LNX1: variants seen among roughly 807,000 people sequenced by gnomAD.
LNX1 encodes the protein ligand of numb-protein X 1.
Under a neutral mutation model 68.4 loss-of-function variants are expected in LNX1, and 54 were observed. The ratio of observed to expected loss-of-function variants is 0.79; its 90% confidence interval spans 0.63 to 0.99. LNX1 has a LOEUF of 0.99. Ranked by LOEUF, LNX1 falls within the 50% of genes least tolerant of loss-of-function variation. LNX1 has a pLI of 0.00. For synonymous variants in LNX1, 336 were observed against 350.0 expected (o/e 0.96, Z 0.45); for missense variants, 906 against 926.4 (o/e 0.98, Z 0.29).
upstream of LNX1, among the ~76,000 whole-genome samples, chr4:53,592,439 C>T (rs1732551987): frequency 6.6e-6 from 1 of 152,150 alleles, no homozygotes. Flanking sequence ...AACTCTCTGG[C>T]ATCTTCCCAG....
chr4:53,534,514 T>C (rs2109631609), intron 2 of LNX1, among the ~76,000 whole-genome samples: 1 of 152,246 alleles, frequency 6.6e-6, no homozygotes, highest in Non-Finnish European at 1.5e-5. Context: ...ATTGAGGACA[T>C]GCTTGTAGGC....
chr4:53,627,832 C>T (rs1318312231), intron 1 of LNX1, among the ~76,000 whole-genome samples: 1 of 152,172 alleles, frequency 6.6e-6, no homozygotes, highest in South Asian at 2.1e-4. Context: ...CAGAAACCCT[C>T]CTCATTAGCC....
At chr4:53,622,746 A>T (rs971180264) in intron 1 of LNX1, among the ~76,000 whole-genome samples, 5 of 152,224 alleles carry the variant, frequency 3.3e-5, no homozygotes, top group Non-Finnish European at 7.3e-5. Context: ...GCTTGTGTTT[A>T]TTGGGAAAAC....
chr4:53,576,748 C>A (rs1349657702), intron 1 of LNX1, among the ~76,000 whole-genome samples: 1 of 152,152 alleles, frequency 6.6e-6, no homozygotes, highest in East Asian at 1.9e-4. Flanking sequence ...TAAAGACACA[C>A]GAATAACCTA....
intron 2 of LNX1, among the ~76,000 whole-genome samples, chr4:53,525,387 C>T (rs925202138): frequency 6.6e-6 from 1 of 152,160 alleles, no homozygotes; most frequent in African/African-American, 2.4e-5. Flanking sequence ...GAGGTTGAGG[C>T]AGGAGAATCG....
chr4:53,487,900 A>G (rs959308274), intron 6 of LNX1, among the ~76,000 whole-genome samples: 3 of 152,150 alleles, frequency 2.0e-5, no homozygotes, highest in African/African-American at 4.8e-5. Flanking sequence ...ATTTTTCAAC[A>G]TATGCTTGTG....
intron 2 of LNX1, among the ~76,000 whole-genome samples, chr4:53,596,977 G>A (rs1732782409): frequency 6.6e-6 from 1 of 152,026 alleles, no homozygotes; most frequent in Non-Finnish European, 1.5e-5. Context: ...TTTCTGGATG[G>A]ACTGTACTGT....
intron 2 of LNX1, among the ~76,000 whole-genome samples, chr4:53,604,227 T>C (rs1164972665): frequency 6.6e-6 from 1 of 152,210 alleles, no homozygotes; most frequent in Non-Finnish European, 1.5e-5. Flanking sequence ...GCTGCCCCAC[T>C]AGAAATATAT....
At chr4:53,649,701 A>T (rs767277296) in intron 1 of LNX1, among the ~76,000 whole-genome samples, 1 of 152,092 alleles carries the variant, frequency 6.6e-6, no homozygotes, top group African/African-American at 2.4e-5. Flanking sequence ...CCCATTTAGG[A>T]TTCCCCTTGG....
chr4:53,527,070 A>AAAC (rs1727669400), intron 2 of LNX1, among the ~76,000 whole-genome samples: 1 of 151,392 alleles, frequency 6.6e-6, no homozygotes, highest in Non-Finnish European at 1.5e-5. Flanking sequence ...AAAAAAAAAA[A>AAAC]AACTAGAAGA....
At chr4:53,581,524 C>T (rs1245707915) in intron 1 of LNX1, among the ~76,000 whole-genome samples, 2 of 152,166 alleles carry the variant, frequency 1.3e-5, no homozygotes, top group Admixed American at 6.5e-5. Flanking sequence ...AATGGACTCA[C>T]AGTTCCATAT....
intron 1 of LNX1, among the ~76,000 whole-genome samples, chr4:53,588,099 C>T (rs1192301492): frequency 6.6e-6 from 1 of 152,168 alleles, no homozygotes; most frequent in Non-Finnish European, 1.5e-5. Context: ...ATAGTTAACA[C>T]TCACTGAACA....
At chr4:53,582,718 T>G (rs976162774) in intron 1 of LNX1, among the ~76,000 whole-genome samples, 6 of 149,850 alleles carry the variant, frequency 4.0e-5, no homozygotes, top group East Asian at 1.9e-4. Flanking sequence ...TGTTTTTTTG[T>G]TTTTTTTTTA....
chr4:53,644,716 AG>A (rs1330722919), intron 1 of LNX1, among the ~76,000 whole-genome samples: 1 of 152,178 alleles, frequency 6.6e-6, no homozygotes. Context: ...CAGCACCAGC[AG>A]GGCCTCCTTG....
intron 2 of LNX1, among the ~76,000 whole-genome samples, chr4:53,513,138 A>C (rs1199345107): frequency 6.6e-6 from 1 of 152,070 alleles, no homozygotes; most frequent in Admixed American, 6.5e-5. Flanking sequence ...GCCCAGGGAA[A>C]TGTTCCCATC....
intron 1 of LNX1, among the ~76,000 whole-genome samples, chr4:53,649,135 T>G (rs1470500352): frequency 2.0e-5 from 3 of 152,232 alleles, no homozygotes; most frequent in Non-Finnish European, 4.4e-5. Context: ...CTTCAGAGTT[T>G]CTTTTACAAT....
At chr4:53,463,140 C>CA (rs1397267318) in intron 9 of LNX1, among the ~76,000 whole-genome samples, 3 of 152,050 alleles carry the variant, frequency 2.0e-5, no homozygotes, top group African/African-American at 7.2e-5. Context: ...TATTTTATTT[C>CA]ATATGGAGAA....
At chr4:53,628,931 C>T (rs1734170744) in intron 1 of LNX1, among the ~76,000 whole-genome samples, 1 of 152,084 alleles carries the variant, frequency 6.6e-6, no homozygotes, top group Non-Finnish European at 1.5e-5. Context: ...GCTATGGATA[C>T]ACAAGGGCAT....
At chr4:53,566,565 C>A (rs1194357346) in intron 2 of LNX1, among the ~76,000 whole-genome samples, 3 of 150,546 alleles carry the variant, frequency 2.0e-5, no homozygotes, top group Admixed American at 2.0e-4. Flanking sequence ...TAAAGACCAT[C>A]GAGACTAGGA....
Sources: gnomAD v4.1 joint callset for allele counts (sites outside exome capture counted in the v4.1 genomes callset) on GRCh38, gnomAD v4.1.1 for gene constraint, MANE v1.5 for transcripts, NCBI Gene and HGNC (gene_info 2026-07-23, HGNC 2026-07-21) for gene names.